AMT: variants seen among roughly 807,000 people sequenced by gnomAD.
AMT encodes the protein aminomethyltransferase.
Under a neutral mutation model 39.5 loss-of-function variants are expected in AMT, and 24 were observed. That is an observed-to-expected ratio of 0.61 (90% CI 0.44 to 0.86). AMT has a LOEUF of 0.86. Among genes scored for constraint, AMT ranks in the 40% least tolerant of loss-of-function variants. The pLI is 0.00. For missense variants in AMT, 501 were observed against 537.0 expected, an observed-to-expected ratio of 0.93 and a Z score of 0.66; for synonymous variants, 210 against 212.1, an observed-to-expected ratio of 0.99 and a Z score of 0.09.
chr3:49,419,855 C>G (rs2049069034), intron 4 of AMT, 67 bp from the exon 5 acceptor site: 1 of 1,419,652 alleles, frequency 7.0e-7, no homozygotes, highest in African/African-American at 1.4e-5. Context: ...CTGGACGCTG[C>G]AGAGCTGGAC....
At chr3:49,418,135 ACCT>A (rs2049031489) in intron 7 of AMT, 162 bp from the exon 8 acceptor site, 3 of 758,082 alleles carry the variant, frequency 4.0e-6, no homozygotes, top group Non-Finnish European at 6.3e-6. Flanking sequence ...CCAACCAACC[ACCT>A]CCTATCCCCT....
chr3:49,419,512 G>A (rs2049063030), intron 5 of AMT, 107 bp from the exon 6 acceptor site: 2 of 1,545,270 alleles, frequency 1.3e-6, no homozygotes, highest in Non-Finnish European at 8.8e-7. Context: ...GTCTTACTCT[G>A]CAAGTGGGAG....
At chr3:49,421,053 C>T (rs182783996) in intron 3 of AMT, 146 of 273,708 alleles carry the variant, frequency 5.3e-4, no homozygotes, top group Admixed American at 1.4e-3. Context: ...TACAAGCACG[C>T]GCCACCACGC....
chr3:49,417,762 T>G, intron 8 of AMT, 44 bp from the exon 9 acceptor site: 6 of 1,614,022 alleles, frequency 3.7e-6, no homozygotes, highest in Non-Finnish European at 5.1e-6. Context: ...ACCCTGCCAG[T>G]GCCCCCACCC....
chr3:49,419,363 T>A lies in AMT; in HGVS notation c.593A>T (p.Asp198Val), dbSNP rs1219494849. The change falls in exon 6 of 9, where the codon GAC becomes GTC. Residue 198 changes from aspartate to valine, a missense_variant. By Grantham distance (152) the Asp-to-Val change is radical. Coordinates refer to ENST00000273588, the MANE Select transcript of AMT (RefSeq NM_000481.4). ...AQVLQAGVADDLRKLPFMTSA... is the reference protein window; with the variant it reads ...AQVLQAGVADVLRKLPFMTSA... Reference sequence around the variant, plus strand: ...GGTCATGAAGGGCAGTTTCCTCAGGTCATCTGCCACGCCGGCCTGTAGTAC... The same window carrying A: ...GGTCATGAAGGGCAGTTTCCTCAGGACATCTGCCACGCCGGCCTGTAGTAC... 38 of 1,614,008 alleles carry A rather than the reference T, an allele frequency of 2.4e-5. No homozygotes were observed. The highest frequency in any genetic ancestry group is 3.1e-5 in the Non-Finnish European group (36 of 1,180,032).
intron 4 of AMT, 133 bp from the exon 5 acceptor site, chr3:49,419,921 C>T: frequency 1.1e-6 from 1 of 938,814 alleles, no homozygotes; most frequent in South Asian, 1.3e-5. Context: ...AGGTAGTAGG[C>T]TGGTTCCCAT....
chr3:49,419,680 T>C, intron 5 of AMT, 30 bp downstream of exon 5: 1 of 1,610,780 alleles, frequency 6.2e-7, no homozygotes, highest in South Asian at 1.1e-5. Flanking sequence ...AAGGCAAAGG[T>C]TGGCTCCAAC....
At chr3:49,422,333 C>G in intron 1 of AMT, 28 bp downstream of exon 1, 1 of 1,613,878 alleles carries the variant, frequency 6.2e-7, no homozygotes, top group Non-Finnish European at 8.5e-7. Context: ...CCTCCCCCAC[C>G]CTCCAAGATC....
intron 4 of AMT, 117 bp downstream of exon 4, chr3:49,420,094 A>G (rs1439528268): frequency 2.2e-6 from 3 of 1,361,884 alleles, no homozygotes; most frequent in East Asian, 2.4e-5. Context: ...ATAGCTGTTC[A>G]TTCACTGAAA....
chr3:49,418,215 T>C, intron 7 of AMT: 1 of 545,934 alleles, frequency 1.8e-6, no homozygotes, highest in Non-Finnish European at 3.3e-6. Flanking sequence ...ATGGAGTCAC[T>C]CTGTCGCCCA....
intron 3 of AMT, 24 bp downstream of exon 3, chr3:49,421,466 CAT>C (rs781754694): frequency 1.8e-5 from 29 of 1,600,116 alleles, no homozygotes; most frequent in African/African-American, 2.7e-5. Context: ...TAAGAAAACT[CAT>C]AGAGCAGAAA....
chr3:49,420,100 T>C (rs545365719), intron 4 of AMT, 111 bp downstream of exon 4: 1 of 1,433,484 alleles, frequency 7.0e-7, no homozygotes, highest in South Asian at 1.2e-5. Flanking sequence ...GTTCATTCAC[T>C]GAAAGAGCCA....
rs760912937 is a variant in AMT, at chr3:49,417,653, A to C, written c.1099T>G (p.Cys367Gly). The change falls in exon 9 of 9, where the codon TGC (cysteine) becomes GGC (glycine). Residue 367 changes from cysteine to glycine, a missense_variant. Cys to Gly is a radical substitution (Grantham distance 159, BLOSUM62 -3). Coordinates refer to ENST00000273588, the MANE Select transcript of AMT (RefSeq NM_000481.4). ...ATTGTCCCTGGACGACTGTACTCGCAGGGCACATAACCCATCGCCACATTC... is the reference window on the plus strand; with the variant it reads ...ATTGTCCCTGGACGACTGTACTCGCCGGGCACATAACCCATCGCCACATTC... The part of the protein sequence containing the change: ...KKNVAMGYVP[C>G]EYSRPGTMLL... 5 of 1,614,156 alleles carry C rather than the reference A, an allele frequency of 3.1e-6. No homozygotes were observed. In the Admixed American group the frequency reaches 8.3e-5, roughly 27 times the overall value.
chr3:49,418,894 G>A, intron 7 of AMT, 77 bp downstream of exon 7: 1 of 1,485,616 alleles, frequency 6.7e-7, no homozygotes, highest in Non-Finnish European at 9.4e-7. Flanking sequence ...ACCTTTGGAT[G>A]AGTCATGGGC....
At position 49,418,074 on chromosome 3, in the gene AMT, C is replaced by CTACACTAGTAG. The variant is rs2049030709; in HGVS notation, c.878-102_878-101insCTACTAGTGTA. On this transcript the variant is annotated intron_variant, in intron 7 of 8. Transcript: ENST00000273588. ...AGTAACACACTATCTAGCATCAAGG[C>CTACACTAGTAG]CCCTTTGCTTGGGCTACTCCAGGCT... The CTACACTAGTAG allele has an allele frequency of 2.1e-6, 3 of 1,447,568 alleles. No individual in the cohort carries two copies. The Admixed American group carries it at 5.9e-5, about 28-fold the overall frequency. 89.7% of individuals were successfully genotyped at this position (1,447,568 alleles called of 1,614,324 possible).
At position 49,419,286 on chromosome 3, in the gene AMT, C is replaced by T; in HGVS notation, c.670G>A (p.Gly224Ser). 1 of 1,614,178 alleles carries T rather than the reference C, an allele frequency of 6.2e-7. No individual in the cohort carries two copies. The highest frequency in any genetic ancestry group is 8.5e-7 in the Non-Finnish European group (1 of 1,180,026). ...TCCACACCATCCTCTCCTGTGTAGC[C>T]ACAGCGGGTCACGCGGCAGCCAGAC... ...GVSGCRVTRC[G>S]YTGEDGVEIS... The change falls in exon 6 of 9, where the codon GGC becomes AGC. Residue 224 changes from glycine (G) to serine (S), a missense_variant. By Grantham distance (56) the Gly-to-Ser change is moderately conservative. Transcript: ENST00000273588.
chr3:49,418,494 CTTTTTTTT>C (rs3049036), intron 7 of AMT: 35 of 64,660 alleles, frequency 5.4e-4, no homozygotes, highest in African/African-American at 1.9e-3. Context: ...TCTTCAGTTT[CTTTTTTTT>C]TTTTTTTTTT....
chr3:49,417,615 C>T lies in AMT; in HGVS notation c.1137G>A (p.Glu379=), dbSNP rs768222025. The T allele has an allele frequency of 1.9e-6, 3 of 1,614,200 alleles. No individual in the cohort carries two copies. The highest frequency in any genetic ancestry group is 2.5e-6 in the Non-Finnish European group (3 of 1,180,042). The change falls in exon 9 of 9, where the codon GAG becomes GAA. Residue 379 remains glutamate (E), a synonymous_variant. Transcript: ENST00000273588. ...YSRPGTMLLV[E]VRRKQQMAVV... is the part of the protein sequence containing the mutation. ...CAGCCATCTGCTGCTTCCGCCGCAC[C>T]TCTACCAGCAGCATTGTCCCTGGAC... is the stretch of plus-strand genomic sequence containing the variant.
chr3:49,422,057 CAG>C, intron 2 of AMT, 45 bp downstream of exon 2: 2 of 1,612,156 alleles, frequency 1.2e-6, no homozygotes, highest in Non-Finnish European at 1.7e-6. Flanking sequence ...CCACTGTAAA[CAG>C]GGAGGAAGGC....
Sources: allele counts gnomAD v4.1 joint callset, GRCh38; gene constraint gnomAD v4.1.1; transcripts MANE v1.5; gene names NCBI Gene and HGNC (gene_info 2026-07-23, HGNC 2026-07-21).